FAR1: variants seen among roughly 807,000 people sequenced by gnomAD.
FAR1 encodes male sterility domain-containing protein 2.
Under a neutral mutation model 61.1 loss-of-function variants are expected in FAR1, and 22 were observed. That is an observed-to-expected ratio of 0.36 (90% CI 0.26 to 0.51). The LOEUF (loss-of-function observed/expected upper bound fraction) is 0.51. FAR1 is among the 20% of genes least tolerant of loss of function. The probability of loss-of-function intolerance (pLI) is 0.95; values close to 1 mark genes in which losing one functional copy is unlikely to be tolerated. For missense variants in FAR1, 359 were observed against 626.9 expected (o/e 0.57, Z 4.56); for synonymous variants, 206 against 209.7 (o/e 0.98, Z 0.15).
At chr11:13,711,090 C>A in intron 5 of FAR1, 1 of 492,476 alleles carries the variant, frequency 2.0e-6, no homozygotes, top group South Asian at 2.8e-5. Context: ...TTTAAAAAAT[C>A]CTAAGTGAAA....
At position 13,731,692 on chromosome 11, in the gene FAR1, G is replaced by A. The variant is rs1848728193; in HGVS notation, c.*2918G>A. ...GAATACAGGCAGGATGACACTTTGT[G>A]TTAAAGTGTTATTTTTATGTATTAC... On this transcript the variant is annotated 3_prime_UTR_variant, in exon 12 of 12. Coordinates refer to ENST00000354817, the MANE Select transcript of FAR1 (RefSeq NM_032228.6). 6.6e-6 allele frequency: 1 copy of A among 152,072 alleles called. No individual in the cohort carries two copies. The highest frequency in any genetic ancestry group is 2.4e-5 in the African/African-American group (1 of 41,388). The allele number at this position is 152,072 out of a possible 1,614,324, so 9.4% of individuals were successfully genotyped here.
chr11:13,700,520 G>T, intron 3 of FAR1, 28 bp downstream of exon 3: 1 of 1,318,818 alleles, frequency 7.6e-7, no homozygotes, highest in South Asian at 1.6e-5. Context: ...TATAATATTT[G>T]AACTTCAGTA....
At chr11:13,727,809 C>T (rs1171173116) in intron 11 of FAR1, 126 bp downstream of exon 11, 2 of 875,782 alleles carry the variant, frequency 2.3e-6, no homozygotes, top group African/African-American at 1.8e-5. Flanking sequence ...TAATGGTAAT[C>T]TCTTATATTT....
Position 13,722,858 on chromosome 11 carries a change from CTA to C in FAR1, c.1257+1018_1257+1019del, listed in dbSNP as rs71041542. Among the ~76,000 whole-genome samples, 419 of 147,712 alleles carry C rather than the reference CTA, an allele frequency of 2.8e-3. 1 individual carries two copies. Among genetic ancestry groups the C allele is most frequent in the Admixed American group, 7.0e-3 (104 of 14,820 alleles). On this transcript the variant is annotated intron_variant, in intron 10 of 11. Coordinates refer to ENST00000354817, the MANE Select transcript of FAR1 (RefSeq NM_032228.6). ...TAGATTTCTCCCTCTCTCTCTCTCT[CTA>C]TATATATATATATATATAAAATATG...
At chr11:13,671,098 C>A (rs1298284231) in intron 1 of FAR1, among the ~76,000 whole-genome samples, 1 of 152,180 alleles carries the variant, frequency 6.6e-6, no homozygotes, top group East Asian at 1.9e-4. Context: ...TTACTGTGAT[C>A]ACATTTGCCC....
At chr11:13,700,651 C>CTCTTCT (rs35975531) in intron 3 of FAR1, 159 bp downstream of exon 3, 2 of 369,380 alleles carry the variant, frequency 5.4e-6, no homozygotes, top group African/African-American at 2.1e-5. Flanking sequence ...TAAAAGAATT[C>CTCTTCT]TCTTCTTCTT....
Position 13,683,392 on chromosome 11 carries a change from CAAA to C in FAR1, c.-7-11358_-7-11356del, listed in dbSNP as rs979271677. On this transcript the variant is annotated intron_variant, in intron 1 of 11. Coordinates refer to ENST00000354817, the MANE Select transcript of FAR1 (RefSeq NM_032228.6). ...TGGCTGACAGAACAAGACTCCATCT[CAAA>C]AAAAAAAAGACAAAGCAGCATTGGA... 1.9e-3 allele frequency among the ~76,000 whole-genome samples: 259 copies of C among 136,004 alleles called. 1 individual carries two copies. The highest frequency in any genetic ancestry group is 6.7e-3 in the African/African-American group (247 of 36,856). The allele number at this position is 136,004 out of a possible 152,430, so 89.2% of individuals were successfully genotyped here. A position where few individuals can be genotyped will look rare whatever the true frequency, so the allele number is the denominator to read the frequency against.
intron 1 of FAR1, among the ~76,000 whole-genome samples, chr11:13,670,729 T>TC (rs1555057325): frequency 7.2e-5 from 11 of 151,818 alleles, no homozygotes; most frequent in Non-Finnish European, 8.8e-5. Context: ...TTTTTTTTTT[T>TC]CACTCAGGAA....
At position 13,721,654 on chromosome 11, in the gene FAR1, C is replaced by T; in HGVS notation, c.1128-76C>T. The stretch of plus-strand genomic sequence containing the variant: ...CTAATGTCTATATTATAGGGGGAAA[C>T]TTGCACCCTGGGTGGTGATAGGATT... On this transcript the variant is annotated intron_variant, in intron 9 of 11. Transcript: ENST00000354817. The surrounding 1 kb of genome is among the most constrained non-coding windows in gnomAD (Gnocchi z 4.2). 2 of 1,264,942 alleles carry T rather than the reference C, an allele frequency of 1.6e-6. No homozygotes were observed. Among genetic ancestry groups the T allele is most frequent in the South Asian group, 1.4e-5 (1 of 72,818 alleles). 78.4% of individuals were successfully genotyped at this position (1,264,942 alleles called of 1,614,324 possible). A position where few individuals can be genotyped will look rare whatever the true frequency, so the allele number is the denominator to read the frequency against.
At chr11:13,711,042 A>T in intron 5 of FAR1, 172 bp downstream of exon 5, 1 of 578,278 alleles carries the variant, frequency 1.7e-6, no homozygotes, top group Non-Finnish European at 3.0e-6. Flanking sequence ...TTTCATTTCT[A>T]TAATGTGACG....
intron 3 of FAR1, among the ~76,000 whole-genome samples, chr11:13,704,726 C>T (rs1404837598): frequency 2.7e-5 from 4 of 148,080 alleles, no homozygotes; most frequent in African/African-American, 4.9e-5. Flanking sequence ...TCTATATTTT[C>T]ATTAAGATTA....
chr11:13,703,889 C>T (rs1331034237), intron 3 of FAR1, among the ~76,000 whole-genome samples: 1 of 151,558 alleles, frequency 6.6e-6, no homozygotes, highest in Admixed American at 6.6e-5. Flanking sequence ...GCTAATAATA[C>T]AAAAATGAGC....
intron 1 of FAR1, among the ~76,000 whole-genome samples, chr11:13,693,923 A>G (rs1255431014): frequency 6.6e-6 from 1 of 152,220 alleles, no homozygotes; most frequent in Non-Finnish European, 1.5e-5. Context: ...TAAATAAAAC[A>G]TAAATACAAT....
intron 1 of FAR1, among the ~76,000 whole-genome samples, chr11:13,683,020 C>T (rs1419881990): frequency 3.3e-5 from 5 of 152,178 alleles, no homozygotes; most frequent in African/African-American, 1.2e-4. Context: ...TTTCTATCTG[C>T]TGCTTGAATT....
At chr11:13,722,696 G>A (rs1440765528) in intron 10 of FAR1, among the ~76,000 whole-genome samples, 2 of 151,804 alleles carry the variant, frequency 1.3e-5, no homozygotes, top group East Asian at 1.9e-4. Context: ...CTGCTGGTCT[G>A]GAACTCCTGA....
intron 4 of FAR1, 46 bp from the exon 5 acceptor site, chr11:13,710,647 A>G: frequency 6.8e-7 from 1 of 1,481,066 alleles, no homozygotes; most frequent in South Asian, 1.3e-5. Context: ...TTTTTATTTT[A>G]TAGTAAAATA....
At position 13,725,926 on chromosome 11, in the gene FAR1, T is replaced by A. The variant is rs549325537; in HGVS notation, c.1258-1630T>A. Among the ~76,000 whole-genome samples the A allele has an allele frequency of 8.5e-5, 13 of 152,164 alleles. No individual in the cohort carries two copies. In the East Asian group the frequency reaches 2.5e-3, roughly 29 times the overall value. On this transcript the variant is annotated intron_variant, in intron 10 of 11. Coordinates refer to ENST00000354817, the MANE Select transcript of FAR1 (RefSeq NM_032228.6). ...CTGGTTTTAAGTTCTTTTTTCTTTTTTTTTTGGCCGCCCTTTAGATTATGT... is the reference window on the plus strand; with the variant it reads ...CTGGTTTTAAGTTCTTTTTTCTTTTATTTTTGGCCGCCCTTTAGATTATGT...
chr11:13,698,785 C>T (rs7109576), intron 2 of FAR1, among the ~76,000 whole-genome samples: 23,986 of 151,222 alleles, frequency 0.16, 2,057 homozygotes, highest in South Asian at 0.24. Flanking sequence ...GAGCCGAGAT[C>T]GCACCACTGC....
chr11:13,717,456 A>C (rs887587512), intron 9 of FAR1, among the ~76,000 whole-genome samples: 30 of 152,188 alleles, frequency 2.0e-4, no homozygotes, highest in African/African-American at 6.8e-4. Flanking sequence ...TCTGAATTCC[A>C]GTCAGATATG....
Sources: gnomAD v4.1 joint callset for allele counts (sites outside exome capture counted in the v4.1 genomes callset) on GRCh38, gnomAD v4.1.1 for gene constraint, Gnocchi (gnomAD v3.1) non-coding constraint, MANE v1.5 for transcripts, NCBI Gene and HGNC (gene_info 2026-07-23, HGNC 2026-07-21) for gene names.